The following DCDC2 variants were observed in gnomAD, a reference collection of about 807,000 sequenced individuals.
The protein encoded by DCDC2 is doublecortin domain-containing protein 2.
Under a neutral mutation model 50.2 loss-of-function variants are expected in DCDC2, and 40 were observed. The ratio of observed to expected loss-of-function variants is 0.80; its 90% CI spans 0.62 to 1.04. The LOEUF (loss-of-function observed/expected upper bound fraction) is 1.04. Among genes scored for constraint, DCDC2 ranks in the 50% least tolerant of loss-of-function variants. The pLI is 0.00. For synonymous variants in DCDC2, 234 were observed against 210.6 expected, an observed-to-expected ratio of 1.11 and a Z score of -0.96; for missense variants, 570 against 581.9, an observed-to-expected ratio of 0.98 and a Z score of 0.21.
At chr6:24,226,269 T>C (rs1762231395) in intron 7 of DCDC2, among the ~76,000 whole-genome samples, 1 of 152,178 alleles carries the variant, frequency 6.6e-6, no homozygotes, top group Non-Finnish European at 1.5e-5. Flanking sequence ...ATCTTCCTAA[T>C]ACATAATAAT....
At chr6:24,180,878 AT>A (rs1422712376) in intron 8 of DCDC2, among the ~76,000 whole-genome samples, 3 of 152,220 alleles carry the variant, frequency 2.0e-5, no homozygotes, top group Non-Finnish European at 2.9e-5. Flanking sequence ...TCAGAAAAAA[AT>A]TCCACACATT....
the DCDC2 span, among the ~76,000 whole-genome samples, chr6:24,381,556 TTTTC>T: frequency 6.6e-6 from 1 of 152,342 alleles, no homozygotes; most frequent in East Asian, 1.9e-4. Flanking sequence ...CTATTAAAAC[TTTTC>T]TTTGAGTAAT....
intron 7 of DCDC2, among the ~76,000 whole-genome samples, chr6:24,217,709 A>T (rs887084840): frequency 9.2e-5 from 14 of 152,216 alleles, no homozygotes; most frequent in African/African-American, 3.4e-4. Flanking sequence ...TGCTTTAAAC[A>T]AAGTGAGATC....
At chr6:24,326,972 T>C (rs1220915891) in intron 2 of DCDC2, among the ~76,000 whole-genome samples, 2 of 149,632 alleles carry the variant, frequency 1.3e-5, no homozygotes, top group African/African-American at 2.4e-5. Context: ...TGGGCTCACT[T>C]TGAGGCCAAG....
intron 7 of DCDC2, 26 bp downstream of exon 7, chr6:24,278,023 C>A: frequency 6.4e-7 from 1 of 1,564,204 alleles, no homozygotes; most frequent in Non-Finnish European, 8.7e-7. Context: ...TGTATCACAG[C>A]CTTAAGATAA....
rs80277510 is a variant in DCDC2 at position 24,286,313 on chromosome 6, C to G, written c.759+2539G>C. Among the ~76,000 whole-genome samples, 894 of 152,292 alleles carry G rather than the reference C, an allele frequency of 5.9e-3. 4 individuals are homozygous for G. The highest frequency in any genetic ancestry group is 0.011 in the South Asian group (55 of 4,820). On this transcript the variant is annotated intron_variant, in intron 6 of 9. Coordinates refer to ENST00000378454, the MANE Select transcript of DCDC2 (RefSeq NM_016356.5). ...TGGTTGTTCAAATCTACAACTCAGG[C>G]CAGGTGCGGTGGCTCACACATGTAA...
At chr6:24,284,016 G>A (rs11754080) in intron 6 of DCDC2, among the ~76,000 whole-genome samples, 18,119 of 152,092 alleles carry the variant, frequency 0.12, 1,090 homozygotes, top group East Asian at 0.17. Context: ...TATATCACAC[G>A]TATTGTGCAT....
chr6:24,294,854 C>T (rs928524762), intron 4 of DCDC2, among the ~76,000 whole-genome samples: 1 of 152,068 alleles, frequency 6.6e-6, no homozygotes, highest in Non-Finnish European at 1.5e-5. Context: ...AAAAAAGCCT[C>T]GGACCAGACA....
intron 6 of DCDC2, among the ~76,000 whole-genome samples, chr6:24,283,160 C>A (rs1460513985): frequency 2.0e-5 from 3 of 152,280 alleles, no homozygotes; most frequent in South Asian, 4.1e-4. Context: ...ATGGTGTCAC[C>A]TTGTCACTAG....
At chr6:24,187,898 C>A (rs1374756888) in intron 8 of DCDC2, among the ~76,000 whole-genome samples, 2 of 152,138 alleles carry the variant, frequency 1.3e-5, no homozygotes, top group Non-Finnish European at 2.9e-5. Context: ...GATGATGATC[C>A]TAATTTGCAG....
intron 7 of DCDC2, among the ~76,000 whole-genome samples, chr6:24,233,804 G>A (rs939146433): frequency 6.6e-6 from 1 of 152,164 alleles, no homozygotes; most frequent in Non-Finnish European, 1.5e-5. Flanking sequence ...ATAATGGCTA[G>A]CAGACTCACT....
intron 2 of DCDC2, among the ~76,000 whole-genome samples, chr6:24,320,169 A>AC (rs1258300625): frequency 6.6e-6 from 1 of 152,230 alleles, no homozygotes; most frequent in East Asian, 1.9e-4. Flanking sequence ...AAAGTAAACC[A>AC]ATACATAAAT....
At chr6:24,302,306 A>AC (rs1053491014) in intron 2 of DCDC2, among the ~76,000 whole-genome samples, 4 of 150,866 alleles carry the variant, frequency 2.7e-5, no homozygotes, top group Non-Finnish European at 2.9e-5. Context: ...AAAAAAAAAA[A>AC]AACAGAAATC....
At chr6:24,265,778 A>G (rs543245751) in intron 7 of DCDC2, among the ~76,000 whole-genome samples, 1 of 152,136 alleles carries the variant, frequency 6.6e-6, no homozygotes, top group Non-Finnish European at 1.5e-5. Context: ...AGGAAAGTTG[A>G]TAGATGTAAG....
At position 24,345,789 on chromosome 6, in the gene DCDC2, T is replaced by G. The variant is rs994421558; in HGVS notation, c.348+7780A>C. 2.0e-5 allele frequency among the ~76,000 whole-genome samples: 3 copies of G among 152,190 alleles called. No homozygotes were observed. The East Asian group carries it at 5.8e-4, about 29-fold the overall frequency. ...GGTTATTGAGAGTTATTGATGGATA[T>G]CAATAGCAGATGAGGAAGAACTGAT... is the stretch of plus-strand genomic sequence containing the variant. On this transcript the variant is annotated intron_variant, in intron 2 of 9. Coordinates refer to ENST00000378454, the MANE Select transcript of DCDC2 (RefSeq NM_016356.5).
intron 2 of DCDC2, among the ~76,000 whole-genome samples, chr6:24,324,640 T>C (rs796811981): frequency 6.6e-6 from 1 of 152,046 alleles, no homozygotes; most frequent in African/African-American, 2.4e-5. Context: ...TCCCAACACT[T>C]TGGGAGGCCA....
chr6:24,288,640 GA>G (rs1271934221), intron 6 of DCDC2, among the ~76,000 whole-genome samples: 2 of 152,080 alleles, frequency 1.3e-5, no homozygotes, highest in Admixed American at 6.5e-5. Flanking sequence ...TATATACAAG[GA>G]AAAAATTTTA....
Position 24,278,231 on chromosome 6 carries a change from A to G in DCDC2, c.760-20T>C. 1 of 1,580,592 alleles carries G rather than the reference A, an allele frequency of 6.3e-7. No homozygotes were observed. The highest frequency in any genetic ancestry group is 8.6e-7 in the Non-Finnish European group (1 of 1,166,186). On this transcript the variant is annotated intron_variant, in intron 6 of 9. Transcript: ENST00000378454. ...ATTTCCCTAAATGGCAAAGTATTAG[A>G]CCCTTATTATTAGCTAATGAACTCT...
the DCDC2 span, among the ~76,000 whole-genome samples, chr6:24,374,847 C>T: frequency 6.6e-6 from 1 of 152,166 alleles, no homozygotes; most frequent in Non-Finnish European, 1.5e-5. Context: ...GACAGCAACA[C>T]ACAGATCGCT....
Sources: allele counts gnomAD v4.1 joint callset (sites outside exome capture counted in the v4.1 genomes callset), GRCh38; gene constraint gnomAD v4.1.1; transcripts MANE v1.5; gene names NCBI Gene and HGNC (gene_info 2026-07-23, HGNC 2026-07-21).